ABLIM2: variants seen among roughly 807,000 people sequenced by gnomAD.
ABLIM2 encodes actin binding LIM protein family member 2.
A neutral mutation model predicts 97.7 loss-of-function variants in ABLIM2; 53 were observed. The ratio of observed to expected loss-of-function variants is 0.54; its 90% CI spans 0.44 to 0.68. The LOEUF (loss-of-function observed/expected upper bound fraction) is 0.68, where lower values mean the gene tolerates loss of function less well. ABLIM2 is among the 30% of genes least tolerant of loss of function. The pLI is 0.00. For missense variants in ABLIM2, 835 were observed against 867.2 expected, an observed-to-expected ratio of 0.96 and a Z score of 0.47; for synonymous variants, 361 against 345.8, an observed-to-expected ratio of 1.04 and a Z score of -0.49.
chr4:8,053,633 T>C (rs1797335566), intron 8 of ABLIM2, among the ~76,000 whole-genome samples: 1 of 152,182 alleles, frequency 6.6e-6, no homozygotes, highest in African/African-American at 2.4e-5. Context: ...ACAAAGGCTC[T>C]TAGATGCCTC....
At chr4:8,092,961 G>A (rs1466708102) in intron 3 of ABLIM2, among the ~76,000 whole-genome samples, 1 of 152,206 alleles carries the variant, frequency 6.6e-6, no homozygotes, top group East Asian at 1.9e-4. Context: ...AGATTCTCCT[G>A]CCTCGGCCTT....
chr4:8,002,545 G>A lies in ABLIM2; in HGVS notation c.1618+5514C>T, dbSNP rs181557400. 2.6e-5 allele frequency among the ~76,000 whole-genome samples: 4 copies of A among 152,270 alleles called. No homozygotes were observed. The highest frequency in any genetic ancestry group is 6.5e-5 in the Admixed American group (1 of 15,294). ...CCTGTCACGCTCGTGTCGTGCTGAC[G>A]TTCCCCTCCCTGGCACTGCGCTCCA... On this transcript the variant is annotated intron_variant, in intron 16 of 20. Transcript: ENST00000447017. The surrounding 1 kb of genome is among the most constrained non-coding windows in gnomAD (Gnocchi z 6.1).
chr4:8,003,469 G>A lies in ABLIM2; in HGVS notation c.1618+4590C>T, dbSNP rs76648686. Among the ~76,000 whole-genome samples, 4,419 of 152,082 alleles carry A rather than the reference G, an allele frequency of 0.029. 106 individuals are homozygous for A. The highest frequency in any genetic ancestry group is 0.063 in the African/African-American group (2,619 of 41,460). ...CTTTCACGCCAGCGGAAAGTCACAC[G>A]GTCCCATGTCAGAAGTTGGGGACTG... On this transcript the variant is annotated intron_variant, in intron 16 of 20. Transcript: ENST00000447017. This position sits in a 1 kb window ranked among gnomAD's most constrained non-coding sequence, Gnocchi z 4.2.
chr4:8,158,653 G>C, intron 1 of ABLIM2, 27 bp downstream of exon 1: 3 of 1,504,044 alleles, frequency 2.0e-6, no homozygotes, highest in South Asian at 2.5e-5. Flanking sequence ...GCGGGGACCC[G>C]TTGGTCCCTC....
Position 8,077,638 on chromosome 4 carries a change from C to T in ABLIM2, c.665G>A (p.Arg222His), listed in dbSNP as rs373050948. ...CDSCEKYITG[R>H]VLEAGEKHYH... ...GCCCGCCGCGCTTACCTCCAGCACG[C>T]GCCCCGTGATGTATTTCTCACAGCT... Residue 222 changes from arginine (R) to histidine (H), a missense_variant, in exon 6 of 21, where the codon CGC becomes CAC. Physicochemically the swap from Arg to His is conservative, Grantham distance 29 (BLOSUM62 0). Coordinates refer to ENST00000447017, the MANE Select transcript of ABLIM2 (RefSeq NM_001130083.2). 1.8e-5 allele frequency: 29 copies of T among 1,610,766 alleles called. No individual in the cohort carries two copies. The highest frequency in any genetic ancestry group is 1.7e-4 in the Middle Eastern group (1 of 6,052).
chr4:8,007,994 T>C (rs745698333), intron 16 of ABLIM2, 65 bp downstream of exon 16: 5 of 1,596,942 alleles, frequency 3.1e-6, no homozygotes, highest in Non-Finnish European at 3.4e-6. Flanking sequence ...CTCTGAGTTC[T>C]GGGGCCTCTT....
rs1049003279 is a variant in ABLIM2 at position 8,112,606 on chromosome 4, G to A, written c.11-5969C>T. 5.9e-5 allele frequency among the ~76,000 whole-genome samples: 9 copies of A among 152,284 alleles called. No individual in the cohort carries two copies. Among genetic ancestry groups the A allele is most frequent in the African/African-American group, 1.7e-4 (7 of 41,550 alleles). On this transcript the variant is annotated intron_variant, in intron 1 of 20. Coordinates refer to ENST00000447017, the MANE Select transcript of ABLIM2 (RefSeq NM_001130083.2). This position sits in a 1 kb window ranked among gnomAD's most constrained non-coding sequence, Gnocchi z 4.2. ...TACTCGAGGTTTCCCAGTCCAGAGC[G>A]GGAGTCCACAAGCATTTTCAGGAAA...
intron 9 of ABLIM2, among the ~76,000 whole-genome samples, chr4:8,037,254 A>G (rs1310278195): frequency 6.6e-6 from 1 of 152,058 alleles, no homozygotes; most frequent in Non-Finnish European, 1.5e-5. Context: ...GGGTGATGAT[A>G]CATACCTACA....
chr4:8,100,641 G>C (rs1411525730), intron 2 of ABLIM2, among the ~76,000 whole-genome samples: 1 of 151,814 alleles, frequency 6.6e-6, no homozygotes, highest in Non-Finnish European at 1.5e-5. Flanking sequence ...AGCTACTCGG[G>C]AGGCTGCGGC....
At chr4:8,016,043 AT>A (rs4006048) in intron 14 of ABLIM2, among the ~76,000 whole-genome samples, 94 of 111,106 alleles carry the variant, frequency 8.5e-4, no homozygotes, top group Admixed American at 3.7e-3. Flanking sequence ...TTGTTGTTGT[AT>A]TTTTTTTTTT....
chr4:8,026,192 G>A (rs1393487639), intron 12 of ABLIM2, among the ~76,000 whole-genome samples: 1 of 152,110 alleles, frequency 6.6e-6, no homozygotes, highest in East Asian at 1.9e-4. Context: ...TTCAGACAAA[G>A]GGTCTCACCA....
intron 17 of ABLIM2, among the ~76,000 whole-genome samples, chr4:7,990,683 C>T (rs1025741779): frequency 2.8e-4 from 43 of 151,988 alleles, no homozygotes; most frequent in African/African-American, 8.9e-4. Context: ...CACTGTAGGC[C>T]ATCAGCAACA....
chr4:8,009,845 T>C (rs577064182), intron 14 of ABLIM2, among the ~76,000 whole-genome samples: 2 of 152,304 alleles, frequency 1.3e-5, no homozygotes, highest in Non-Finnish European at 2.9e-5. Flanking sequence ...CTTTGCACCA[T>C]TTCACAGATC....
chr4:8,007,704 T>C (rs997766858), intron 16 of ABLIM2: 19 of 1,047,800 alleles, frequency 1.8e-5, no homozygotes, highest in Non-Finnish European at 2.2e-5. Context: ...ACCATGCCCA[T>C]GTCTGCTCTG....
At chr4:8,076,987 G>A (rs958795122) in intron 6 of ABLIM2, among the ~76,000 whole-genome samples, 3 of 147,290 alleles carry the variant, frequency 2.0e-5, no homozygotes, top group Non-Finnish European at 3.0e-5. Context: ...CTGTGAATCC[G>A]GAGGGTGGGC....
rs533475029 is a variant in ABLIM2 at position 8,003,785 on chromosome 4, G to C, written c.1618+4274C>G. Reference sequence around the variant, plus strand: ...TCACCATGTTGGTCAGGCTGGTCTCGAACTCCTGACCTCAGGTGATCTGCC... The same window carrying C: ...TCACCATGTTGGTCAGGCTGGTCTCCAACTCCTGACCTCAGGTGATCTGCC... On this transcript the variant is annotated intron_variant, in intron 16 of 20. Transcript: ENST00000447017. This position sits in a 1 kb window ranked among gnomAD's most constrained non-coding sequence, Gnocchi z 4.2. Among the ~76,000 whole-genome samples, 2 of 152,034 alleles carry C rather than the reference G, an allele frequency of 1.3e-5. No individual in the cohort carries two copies. Among genetic ancestry groups the C allele is most frequent in the African/African-American group, 4.8e-5 (2 of 41,514 alleles).
At position 7,983,538 on chromosome 4, in the gene ABLIM2, C is replaced by T. The variant is rs1308114205; in HGVS notation, c.1743+9G>A. Reference sequence around the variant, plus strand: ...GCACGGAGGTCAGTGTGGGAGCGGCCCCGCTTACCTTGTATTCTGTAAGAG... The same window carrying T: ...GCACGGAGGTCAGTGTGGGAGCGGCTCCGCTTACCTTGTATTCTGTAAGAG... On this transcript the variant is annotated intron_variant, in intron 19 of 20. Transcript: ENST00000447017. The T allele has an allele frequency of 1.2e-6, 2 of 1,613,166 alleles. No homozygotes were observed. Among genetic ancestry groups the T allele is most frequent in the Non-Finnish European group, 1.7e-6 (2 of 1,179,714 alleles).
rs1433685163 is a variant in ABLIM2, at chr4:8,069,573, G to GTGTGTCTC, written c.675+8047_675+8054dup. On this transcript the variant is annotated intron_variant, in intron 6 of 20. Transcript: ENST00000447017. The surrounding 1 kb of genome is among the most constrained non-coding windows in gnomAD (Gnocchi z 4.2). The stretch of plus-strand genomic sequence containing the variant: ...AGGGTGTGTGCGCATGTGCGTGTCT[G>GTGTGTCTC]TGTGTCTCTGTGTTTTGCCTGGTGT... Among the ~76,000 whole-genome samples the GTGTGTCTC allele has an allele frequency of 6.6e-6, 1 of 152,166 alleles. No homozygotes were observed. Among genetic ancestry groups the GTGTGTCTC allele is most frequent in the African/African-American group, 2.4e-5 (1 of 41,448 alleles).
intron 9 of ABLIM2, among the ~76,000 whole-genome samples, chr4:8,037,435 A>AC (rs1785283316): frequency 2.0e-5 from 3 of 151,792 alleles, no homozygotes; most frequent in Non-Finnish European, 2.9e-5. Flanking sequence ...GGAGGTATAG[A>AC]CCCCCCTCAC....
Sources: gnomAD v4.1 joint callset for allele counts (sites outside exome capture counted in the v4.1 genomes callset) on GRCh38, gnomAD v4.1.1 for gene constraint, Gnocchi (gnomAD v3.1) non-coding constraint, MANE v1.5 for transcripts, NCBI Gene and HGNC (gene_info 2026-07-23, HGNC 2026-07-21) for gene names.